Variants in MECOM observed in about 807,000 individuals in gnomAD.
MECOM encodes MDS1 and EVI1 complex locus.
Under a neutral mutation model 116.3 loss-of-function variants are expected in MECOM, and 13 were observed. The observed-to-expected ratio is 0.11, with a 90% CI of 0.07 to 0.18. MECOM has a LOEUF of 0.18. MECOM is among the 10% of genes least tolerant of loss of function. The probability of loss-of-function intolerance (pLI) is 1.00; values close to 1 mark genes in which losing one functional copy is unlikely to be tolerated. For synonymous variants in MECOM, 528 were observed against 535.2 expected, an observed-to-expected ratio of 0.99 and a Z score of 0.19; for missense variants, 1,299 against 1,509.0, an observed-to-expected ratio of 0.86 and a Z score of 2.31.
intron 2 of MECOM, among the ~76,000 whole-genome samples, chr3:169,358,139 C>T (rs1727587616): frequency 1.3e-5 from 2 of 151,836 alleles, no homozygotes; most frequent in Admixed American, 1.3e-4. Context: ...GACTTTGTGA[C>T]TATTTCTCAC....
At chr3:169,485,977 T>C (rs1462533980) in intron 1 of MECOM, among the ~76,000 whole-genome samples, 28 of 85,980 alleles carry the variant, frequency 3.3e-4, no homozygotes, top group Admixed American at 6.7e-4. Context: ...TATATACATA[T>C]ATATATAGTA....
rs1560174508 is a variant in MECOM, at chr3:169,112,779, A to G, written c.2577+8T>C. 3 of 1,607,752 alleles carry G rather than the reference A, an allele frequency of 1.9e-6. No individual in the cohort carries two copies. Among genetic ancestry groups the G allele is most frequent in the Non-Finnish European group, 2.6e-6 (3 of 1,175,910 alleles). ...ACAAGCTGGAAATCTCAAATCCAAA[A>G]TACTTACTTGTGGGTGAAACAAGAA... On this transcript the variant is annotated splice_region_variant and intron_variant, in intron 9 of 16. Coordinates refer to ENST00000651503, the MANE Select transcript of MECOM (RefSeq NM_004991.4).
chr3:169,599,339 C>A (rs985793892), intron 1 of MECOM, among the ~76,000 whole-genome samples: 4 of 151,958 alleles, frequency 2.6e-5, no homozygotes, highest in Non-Finnish European at 4.4e-5. Context: ...CATGGTGAAA[C>A]CCCATCTCTA....
intron 1 of MECOM, among the ~76,000 whole-genome samples, chr3:169,439,420 T>C (rs12053882): frequency 0.17 from 26,215 of 150,730 alleles, 2,856 homozygotes; most frequent in East Asian, 0.24. Flanking sequence ...AGAATACTTC[T>C]AAAATAAATA....
chr3:169,510,013 G>C (rs1755768224), intron 1 of MECOM, among the ~76,000 whole-genome samples: 2 of 152,204 alleles, frequency 1.3e-5, no homozygotes, highest in African/African-American at 4.8e-5. Flanking sequence ...AGTCTCTTTG[G>C]ATCAATTACA....
intron 1 of MECOM, among the ~76,000 whole-genome samples, chr3:169,401,857 G>C (rs1463830825): frequency 6.6e-6 from 1 of 152,210 alleles, no homozygotes; most frequent in African/African-American, 2.4e-5. Flanking sequence ...TGCAGAGAAA[G>C]AGGCAGTGAG....
At chr3:169,095,368 G>A in intron 12 of MECOM, 123 bp from the exon 13 acceptor site, 1 of 707,742 alleles carries the variant, frequency 1.4e-6, no homozygotes, top group Non-Finnish European at 2.2e-6. Flanking sequence ...AAGGCACAGG[G>A]AGAATACTAT....
intron 1 of MECOM, among the ~76,000 whole-genome samples, chr3:169,662,847 C>T (rs1044971035): frequency 4.6e-5 from 7 of 152,122 alleles, no homozygotes; most frequent in Admixed American, 2.0e-4. Context: ...CAAACCGAGG[C>T]TCGAAAAGGC....
rs552263289 is a variant in MECOM, at chr3:169,558,129, A to G, written c.37+105207T>C. Among the ~76,000 whole-genome samples, 39 of 152,326 alleles carry G rather than the reference A, an allele frequency of 2.6e-4. No homozygotes were observed. The South Asian group carries it at 7.9e-3, about 31-fold the overall frequency. ...ATCATTCCAAATGGTTCTCCCTGCT[A>G]TGATTCACCACGGTGAATGATTCTG... is the stretch of plus-strand genomic sequence containing the variant. On this transcript the variant is annotated intron_variant, in intron 1 of 16. Transcript: ENST00000651503.
At position 169,107,912 on chromosome 3, in the gene MECOM, AGT is replaced by A; in HGVS notation, c.2604+12_2604+13del. 6.2e-7 allele frequency: 1 copy of A among 1,609,592 alleles called. No individual in the cohort carries two copies. The highest frequency in any genetic ancestry group is 8.5e-7 in the Non-Finnish European group (1 of 1,177,740). ...CTACATCACTTTAGTCAAAAATATAAGTAGGAAACTTACCCAAGTTCTCTGAT... is the reference window on the plus strand; with the variant it reads ...CTACATCACTTTAGTCAAAAATATAAAGGAAACTTACCCAAGTTCTCTGAT... On this transcript the variant is annotated intron_variant, in intron 10 of 16. Coordinates refer to ENST00000651503, the MANE Select transcript of MECOM (RefSeq NM_004991.4).
At chr3:169,260,182 G>T (rs1442202507) in intron 2 of MECOM, among the ~76,000 whole-genome samples, 1 of 151,978 alleles carries the variant, frequency 6.6e-6, no homozygotes, top group African/African-American at 2.4e-5. Flanking sequence ...CTGACATTTG[G>T]TCCACTAAAA....
chr3:169,637,532 C>T (rs1290777619), intron 1 of MECOM, among the ~76,000 whole-genome samples: 1 of 152,088 alleles, frequency 6.6e-6, no homozygotes, highest in Non-Finnish European at 1.5e-5. Context: ...ATATTTGAGG[C>T]CTATGGATGA....
chr3:169,118,581 A>G (rs1211609232), intron 7 of MECOM, among the ~76,000 whole-genome samples: 1 of 152,196 alleles, frequency 6.6e-6, no homozygotes, highest in African/African-American at 2.4e-5. Context: ...GGAATTATAA[A>G]AAGTAAGAAA....
chr3:169,501,523 G>C (rs1455658906), intron 1 of MECOM, among the ~76,000 whole-genome samples: 1 of 151,982 alleles, frequency 6.6e-6, no homozygotes, highest in Non-Finnish European at 1.5e-5. Context: ...ACCCAGCTCT[G>C]AAAGACTCAT....
In MECOM at chr3:169,570,744, G is replaced by A. The variant is rs375109504; in HGVS notation, c.37+92592C>T. Among the ~76,000 whole-genome samples, 359 of 152,202 alleles carry A rather than the reference G, an allele frequency of 2.4e-3. 1 individual carries two copies. The highest frequency in any genetic ancestry group is 8.1e-3 in the African/African-American group (338 of 41,538). On this transcript the variant is annotated intron_variant, in intron 1 of 16. Transcript: ENST00000651503. Reference sequence around the variant, plus strand: ...ACATAACCAATGACAAAAACCACATGATTATCTCAACAGATGCATAAAAGG... The same window carrying A: ...ACATAACCAATGACAAAAACCACATAATTATCTCAACAGATGCATAAAAGG...
At chr3:169,587,212 A>G (rs922260062) in intron 1 of MECOM, among the ~76,000 whole-genome samples, 3 of 152,140 alleles carry the variant, frequency 2.0e-5, no homozygotes, top group African/African-American at 7.2e-5. Context: ...TCACTGCCCA[A>G]TATTTCCTGT....
intron 1 of MECOM, among the ~76,000 whole-genome samples, chr3:169,542,249 C>A (rs1760161263): frequency 6.6e-6 from 1 of 151,898 alleles, no homozygotes; most frequent in Non-Finnish European, 1.5e-5. Flanking sequence ...TGACCTTTCA[C>A]AGCAGTTTTT....
At chr3:169,326,791 T>C (rs1721897117) in intron 2 of MECOM, among the ~76,000 whole-genome samples, 1 of 152,234 alleles carries the variant, frequency 6.6e-6, no homozygotes, top group Non-Finnish European at 1.5e-5. Context: ...CAAAATTCTC[T>C]CTTTTCAGTT....
chr3:169,346,819 T>A (rs1725444131), intron 2 of MECOM, among the ~76,000 whole-genome samples: 1 of 152,028 alleles, frequency 6.6e-6, no homozygotes, highest in East Asian at 1.9e-4. Context: ...CCATATATAG[T>A]TCCATGGTTG....
Sources: gnomAD v4.1 joint callset for allele counts (sites outside exome capture counted in the v4.1 genomes callset) on GRCh38, gnomAD v4.1.1 for gene constraint, MANE v1.5 for transcripts, NCBI Gene and HGNC (gene_info 2026-07-23, HGNC 2026-07-21) for gene names.